Variants in CRY1 observed in about 807,000 individuals in gnomAD.
CRY1 encodes cryptochrome circadian regulator 1, also known as cryptochrome-1.
In CRY1, 45 loss-of-function variants were observed where a neutral mutation model predicts 76.0. The observed-to-expected ratio is 0.59, with a 90% CI of 0.47 to 0.76. CRY1 has a LOEUF of 0.76. CRY1 is among the 30% of genes least tolerant of loss of function. The pLI is 0.00. For synonymous variants in CRY1, 248 were observed against 244.0 expected (o/e 1.02, Z -0.15); for missense variants, 587 against 716.4 (o/e 0.82, Z 2.06).
rs1217712891 is a variant in CRY1, at chr12:106,997,532, C to G, written c.1448G>C (p.Arg483Thr). The change falls in exon 9 of 13, where the codon AGG (arginine) becomes ACG (threonine). Residue 483 changes from arginine (R) to threonine (T), a missense_variant. Physicochemically the swap from Arg to Thr is moderately conservative, Grantham distance 71 (BLOSUM62 -1). Coordinates refer to ENST00000008527, the MANE Select transcript of CRY1 (RefSeq NM_004075.5). ...AAGCTGCTGATAGATCTGTTTCATC[C>G]TTTCGATATTCAAACGGCTTGCCTC... ...HAEASRLNIE[R>T]MKQIYQQLSR... 6.2e-7 allele frequency: 1 copy of G among 1,614,044 alleles called. No homozygotes were observed. Among genetic ancestry groups the G allele is most frequent in the Admixed American group, 1.7e-5 (1 of 60,026 alleles).
chr12:107,029,819 A>G (rs1345034829), intron 1 of CRY1, among the ~76,000 whole-genome samples: 2 of 152,210 alleles, frequency 1.3e-5, no homozygotes, highest in African/African-American at 4.8e-5. Flanking sequence ...AATAAATACT[A>G]CAGAACTGGC....
chr12:107,082,320 T>C (rs1216212487), intron 1 of CRY1, among the ~76,000 whole-genome samples: 1 of 152,070 alleles, frequency 6.6e-6, no homozygotes, highest in African/African-American at 2.4e-5. Flanking sequence ...TATTCAGGAC[T>C]TGAACTCAAC....
rs1952182307 is a variant in CRY1, at chr12:106,991,743, T to C, written c.*259A>G. 6.6e-6 allele frequency: 1 copy of C among 152,566 alleles called. No individual in the cohort carries two copies. Among genetic ancestry groups the C allele is most frequent in the African/African-American group, 2.4e-5 (1 of 41,440 alleles). The allele number at this position is 152,566 out of a possible 1,614,324, so 9.5% of individuals were successfully genotyped here. On this transcript the variant is annotated 3_prime_UTR_variant, in exon 13 of 13. Coordinates refer to ENST00000008527, the MANE Select transcript of CRY1 (RefSeq NM_004075.5). ...CATACATGAAAAATTATCAAAAATA[T>C]ATCGATGGGTCTATACTAATTGTGA...
intron 1 of CRY1, among the ~76,000 whole-genome samples, chr12:107,022,415 C>T (rs1035027566): frequency 6.6e-5 from 10 of 151,796 alleles, no homozygotes; most frequent in African/African-American, 2.4e-4. Context: ...CACTAATTTT[C>T]ATTAAATAAA....
At chr12:107,071,758 G>A (rs1255244456) in intron 1 of CRY1, among the ~76,000 whole-genome samples, 1 of 152,040 alleles carries the variant, frequency 6.6e-6, no homozygotes, top group Admixed American at 6.6e-5. Flanking sequence ...TAGCAATTGT[G>A]GTACTTATTA....
intron 1 of CRY1, among the ~76,000 whole-genome samples, chr12:107,069,938 C>T (rs927369112): frequency 6.6e-6 from 1 of 151,726 alleles, no homozygotes; most frequent in Non-Finnish European, 1.5e-5. Flanking sequence ...AATCAAACAT[C>T]AGTTTATGCT....
chr12:107,060,478 T>C (rs1593531216), intron 1 of CRY1, among the ~76,000 whole-genome samples: 1 of 152,184 alleles, frequency 6.6e-6, no homozygotes, highest in South Asian at 2.1e-4. Context: ...CCATAAGCAA[T>C]ATATTTTTGT....
intron 1 of CRY1, among the ~76,000 whole-genome samples, chr12:107,041,146 C>T (rs768516173): frequency 2.0e-5 from 3 of 151,872 alleles, no homozygotes; most frequent in African/African-American, 4.8e-5. Context: ...CATGTAGAAC[C>T]GCCTATTGAG....
chr12:107,019,616 T>G (rs181943086), intron 2 of CRY1, among the ~76,000 whole-genome samples: 2 of 152,268 alleles, frequency 1.3e-5, no homozygotes, highest in East Asian at 1.9e-4. Context: ...CAAAAACAAG[T>G]AAATAAGAAT....
intron 1 of CRY1, among the ~76,000 whole-genome samples, chr12:107,066,463 G>T (rs1055141256): frequency 6.8e-6 from 1 of 146,808 alleles, no homozygotes; most frequent in Non-Finnish European, 1.5e-5. Context: ...TTTGTTTTTT[G>T]TTTTTTTTTT....
intron 2 of CRY1, among the ~76,000 whole-genome samples, chr12:107,012,263 G>A (rs953772834): frequency 6.6e-6 from 1 of 152,116 alleles, no homozygotes; most frequent in Non-Finnish European, 1.5e-5. Context: ...TCTTGTGAGG[G>A]GCTAACATAG....
chr12:107,090,074 C>T (rs116094673), intron 1 of CRY1, among the ~76,000 whole-genome samples: 1,704 of 151,818 alleles, frequency 0.011, 44 homozygotes, highest in African/African-American at 0.039. Flanking sequence ...AAATATTTTC[C>T]TTCTTTCTTT....
chr12:107,091,879 T>G (rs1000895373), intron 1 of CRY1, among the ~76,000 whole-genome samples: 3 of 152,246 alleles, frequency 2.0e-5, no homozygotes, highest in African/African-American at 7.2e-5. Flanking sequence ...TCACCTTCTC[T>G]GTGACTTTTC....
intron 1 of CRY1, among the ~76,000 whole-genome samples, chr12:107,087,087 A>C (rs1266283249): frequency 6.6e-6 from 1 of 152,272 alleles, no homozygotes; most frequent in East Asian, 1.9e-4. Flanking sequence ...TGGAAAGATT[A>C]AAAGTATCCT....
intron 1 of CRY1, among the ~76,000 whole-genome samples, chr12:107,053,593 C>T (rs796265191): frequency 6.6e-6 from 1 of 152,274 alleles, no homozygotes; most frequent in African/African-American, 2.4e-5. Context: ...GCTGGGATTA[C>T]AGGCATAAGC....
intron 1 of CRY1, among the ~76,000 whole-genome samples, chr12:107,076,619 A>G (rs1322860760): frequency 1.1e-5 from 1 of 93,180 alleles, no homozygotes; most frequent in South Asian, 3.1e-4. Flanking sequence ...TGCCTCAAAG[A>G]AAAAAAAAAA....
At chr12:107,027,480 A>G (rs1952629508) in intron 1 of CRY1, among the ~76,000 whole-genome samples, 1 of 152,150 alleles carries the variant, frequency 6.6e-6, no homozygotes, top group Non-Finnish European at 1.5e-5. Flanking sequence ...AAAACTCACT[A>G]TATCCCTTCA....
At chr12:107,017,809 T>C (rs1952513196) in intron 2 of CRY1, among the ~76,000 whole-genome samples, 1 of 152,212 alleles carries the variant, frequency 6.6e-6, no homozygotes, top group Non-Finnish European at 1.5e-5. Context: ...CCCAGATGCA[T>C]GGCTCACTCT....
intron 1 of CRY1, among the ~76,000 whole-genome samples, chr12:107,079,442 G>C (rs1266421023): frequency 6.6e-6 from 1 of 152,098 alleles, no homozygotes; most frequent in Non-Finnish European, 1.5e-5. Context: ...CTGAGTCCTG[G>C]TATCAAGCGA....
Sources: allele counts gnomAD v4.1 joint callset (sites outside exome capture counted in the v4.1 genomes callset), GRCh38; gene constraint gnomAD v4.1.1; transcripts MANE v1.5; gene names NCBI Gene and HGNC (gene_info 2026-07-23, HGNC 2026-07-21).